Variants in TTC16 observed in about 807,000 individuals in gnomAD.
TTC16 encodes tetratricopeptide repeat domain 16, also known as tetratricopeptide repeat protein 16.
TTC16 carries 66 observed loss-of-function variants against 80.4 expected under a neutral mutation model. The ratio of observed to expected loss-of-function variants is 0.82; its 90% CI spans 0.67 to 1.01. TTC16 has a LOEUF of 1.01. TTC16 is among the 50% of genes least tolerant of loss of function. TTC16 has a pLI of 0.00. For missense variants in TTC16, 1,070 were observed against 1,103.2 expected, an observed-to-expected ratio of 0.97 and a Z score of 0.43; for synonymous variants, 438 against 451.3, an observed-to-expected ratio of 0.97 and a Z score of 0.37.
rs1476488699 is a variant in TTC16, at chr9:127,723,274, G to GC, written c.814dup (p.Gln272ProfsTer223). On this transcript the variant is annotated frameshift_variant, in exon 7 of 14. Transcript: ENST00000373289. LOFTEE classifies it high-confidence loss of function. ...TGCAGGGCAAGCTGCAGCACGCACT[G>GC]CAGCGGATCAACCGTGCCATCGAGA... 1.2e-6 allele frequency: 2 copies of GC among 1,612,868 alleles called. No individual in the cohort carries two copies. The highest frequency in any genetic ancestry group is 4.5e-5 in the East Asian group (2 of 44,898).
At chr9:127,724,634 A>ACCG in intron 8 of TTC16, 122 bp from the exon 9 acceptor site, 1 of 1,348,738 alleles carries the variant, frequency 7.4e-7, no homozygotes, top group Non-Finnish European at 9.9e-7. Context: ...GAGGACGGAG[A>ACCG]CTGCGGCGGG....
In TTC16 at chr9:127,726,643, C is replaced by G. The variant is rs143284874; in HGVS notation, c.1425+239C>G. On this transcript the variant is annotated intron_variant, in intron 10 of 13. Coordinates refer to ENST00000373289, the MANE Select transcript of TTC16 (RefSeq NM_144965.3). The stretch of plus-strand genomic sequence containing the variant: ...TCTCTACTAAAAATACAAAAAGCAG[C>G]CAGGCATGGTGGTGCACGGTTATAA... 2.8e-3 allele frequency among the ~76,000 whole-genome samples: 432 copies of G among 152,142 alleles called. 12 individuals carry two copies. In the East Asian group the frequency reaches 0.064, roughly 23 times the overall value.
At chr9:127,728,307 A>G (rs1844135671) in intron 12 of TTC16, 1 of 152,246 alleles carries the variant, frequency 6.6e-6, no homozygotes, top group Non-Finnish European at 1.5e-5. Flanking sequence ...ATAAATGGAC[A>G]GCATGGTGAG....
Position 127,731,586 on chromosome 9 carries a change from C to T in TTC16, c.*181C>T, listed in dbSNP as rs1056492807. 7 of 1,365,550 alleles carry T rather than the reference C, an allele frequency of 5.1e-6. No homozygotes were observed. The African/African-American group carries it at 1.0e-4, about 20-fold the overall frequency. The allele number at this position is 1,365,550 out of a possible 1,614,324, so 84.6% of individuals were successfully genotyped here. A position where few individuals can be genotyped will look rare whatever the true frequency, so the allele number is the denominator to read the frequency against. The stretch of plus-strand genomic sequence containing the variant: ...TTTACAAAATTAAAAACATCTAAAA[C>T]CAGGCCCAAGTGGCAGCTTGAGTCC... On this transcript the variant is annotated 3_prime_UTR_variant, in exon 14 of 14. Transcript: ENST00000373289.
In TTC16 at chr9:127,722,269, C is replaced by T. The variant is rs1843572438; in HGVS notation, c.658-850C>T. On this transcript the variant is annotated intron_variant, in intron 6 of 13. Coordinates refer to ENST00000373289, the MANE Select transcript of TTC16 (RefSeq NM_144965.3). The surrounding 1 kb of genome is among the most constrained non-coding windows in gnomAD (Gnocchi z 4.2). ...CTGCTGTCCACACCATCCCGTTCAC[C>T]TGCCAGCCAGTCACCCCGCAGGGAA... is the stretch of plus-strand genomic sequence containing the variant. 6.6e-6 allele frequency among the ~76,000 whole-genome samples: 1 copy of T among 152,200 alleles called. No individual in the cohort carries two copies. The highest frequency in any genetic ancestry group is 2.4e-5 in the African/African-American group (1 of 41,450).
At chr9:127,729,756 G>C in intron 13 of TTC16, 88 bp downstream of exon 13, 1 of 1,300,874 alleles carries the variant, frequency 7.7e-7, no homozygotes, top group Non-Finnish European at 1.1e-6. Context: ...TGGCCTAGGT[G>C]TGCGTTCGGC....
chr9:127,723,446 C>A, intron 7 of TTC16, 113 bp downstream of exon 7: 1 of 1,010,606 alleles, frequency 9.9e-7, no homozygotes, highest in Non-Finnish European at 1.5e-6. Context: ...CCCAGCTAGC[C>A]TCTAACAGTC....
intron 9 of TTC16, among the ~76,000 whole-genome samples, chr9:127,725,273 CA>C (rs1237773896): frequency 2.7e-5 from 4 of 148,142 alleles, no homozygotes; most frequent in Non-Finnish European, 4.5e-5. Context: ...GACTCTGTCC[CA>C]AAAAAAAAGG....
chr9:127,719,210 C>CAA (rs112597139), intron 4 of TTC16, among the ~76,000 whole-genome samples: 19 of 131,174 alleles, frequency 1.4e-4, no homozygotes, highest in African/African-American at 4.2e-4. Context: ...GATGCTGTCT[C>CAA]AAAAAAAAAA....
At chr9:127,716,607 G>C in intron 1 of TTC16, 1 of 587,026 alleles carries the variant, frequency 1.7e-6, no homozygotes, top group African/African-American at 1.9e-5. Context: ...GTAAGCATGA[G>C]GACCCTGATC....
intron 9 of TTC16, among the ~76,000 whole-genome samples, chr9:127,725,389 C>G (rs1427931679): frequency 2.0e-5 from 3 of 149,930 alleles, no homozygotes; most frequent in African/African-American, 7.4e-5. Flanking sequence ...CTGGTGAAAC[C>G]CCGTCTCTAC....
In TTC16 at chr9:127,726,392, C is replaced by CA. The variant is rs756622983; in HGVS notation, c.1415dup (p.Gln473AlafsTer22). The stretch of plus-strand genomic sequence containing the variant: ...TGGCCACTGTCCTGCTCCTCAACCC[C>CA]AAGCAACCAAAGGTAGGTTCCTGCC... On this transcript the variant is annotated frameshift_variant, in exon 10 of 14. Transcript: ENST00000373289. LOFTEE classifies it high-confidence loss of function. 4 of 1,601,432 alleles carry CA rather than the reference C, an allele frequency of 2.5e-6. No homozygotes were observed. Among genetic ancestry groups the CA allele is most frequent in the Non-Finnish European group, 3.4e-6 (4 of 1,172,522 alleles).
chr9:127,716,997 C>T lies in TTC16; in HGVS notation c.172C>T (p.Pro58Ser), dbSNP rs773637207. The change falls in exon 2 of 14, where the codon CCC (proline) becomes TCC (serine). Residue 58 changes from proline to serine, a missense_variant. Transcript: ENST00000373289. ...ACCAAAGGTCACAGGGTTAACAGTG[C>T]CCCTCAAAGTCAGGGAATAGTGAGT... ...VKPKVTGLTV[P>S]LKVREYYSRG... 6 of 1,613,358 alleles carry T rather than the reference C, an allele frequency of 3.7e-6. No individual in the cohort carries two copies. Among genetic ancestry groups the T allele is most frequent in the Non-Finnish European group, 5.1e-6 (6 of 1,179,386 alleles).
chr9:127,726,501 C>T (rs1001261246), intron 10 of TTC16, 97 bp downstream of exon 10: 1 of 1,352,868 alleles, frequency 7.4e-7, no homozygotes. Context: ...TGATAACAAT[C>T]ATAAGGCCAG....
At position 127,716,100 on chromosome 9, in the gene TTC16, G is replaced by A; in HGVS notation, c.-46G>A. Reference sequence around the variant, plus strand: ...GCCTAGCAACGTCAGGGCCAGGGCCGCGAGGTAGTTGGCAGAGGCCTCGGG... The same window carrying A: ...GCCTAGCAACGTCAGGGCCAGGGCCACGAGGTAGTTGGCAGAGGCCTCGGG... On this transcript the variant is annotated 5_prime_UTR_variant, in exon 1 of 14. Coordinates refer to ENST00000373289, the MANE Select transcript of TTC16 (RefSeq NM_144965.3). 6.2e-7 allele frequency: 1 copy of A among 1,613,716 alleles called. No individual in the cohort carries two copies. The highest frequency in any genetic ancestry group is 8.5e-7 in the Non-Finnish European group (1 of 1,179,898).
At chr9:127,723,736 A>T (rs2131650699) in intron 7 of TTC16, among the ~76,000 whole-genome samples, 1 of 152,306 alleles carries the variant, frequency 6.6e-6, no homozygotes, top group African/African-American at 2.4e-5. Flanking sequence ...CCCTATGCCA[A>T]GGGGCTGGGT....
At chr9:127,723,462 C>T in intron 7 of TTC16, 129 bp downstream of exon 7, 1 of 868,190 alleles carries the variant, frequency 1.2e-6, no homozygotes, top group Non-Finnish European at 1.8e-6. Context: ...CAGTCTTTCC[C>T]TACTTCCTAC....
At position 127,718,598 on chromosome 9, in the gene TTC16, C is replaced by CT. The variant is rs928036152; in HGVS notation, c.426+838dup. 5.9e-4 allele frequency among the ~76,000 whole-genome samples: 85 copies of CT among 145,034 alleles called. No homozygotes were observed. Among genetic ancestry groups the CT allele is most frequent in the South Asian group, 1.8e-3 (8 of 4,554 alleles). On this transcript the variant is annotated intron_variant, in intron 4 of 13. Transcript: ENST00000373289. This position sits in a 1 kb window ranked among gnomAD's most constrained non-coding sequence, Gnocchi z 4.6. ...TTTTCCATTTTGATAACCTTGATGTCTTTTTTTTTTTTCTGAGATGGAGTC... is the reference window on the plus strand; with the variant it reads ...TTTTCCATTTTGATAACCTTGATGTCTTTTTTTTTTTTTCTGAGATGGAGTC...
At chr9:127,728,721 A>C (rs1368753501) in intron 12 of TTC16, 1 of 152,230 alleles carries the variant, frequency 6.6e-6, no homozygotes, top group Non-Finnish European at 1.5e-5. Context: ...CTTGAGCCCC[A>C]GAGTCATTTG....
Sources: allele counts gnomAD v4.1 joint callset (sites outside exome capture counted in the v4.1 genomes callset), GRCh38; gene constraint gnomAD v4.1.1; non-coding constraint Gnocchi (gnomAD v3.1); transcripts MANE v1.5; gene names NCBI Gene and HGNC (gene_info 2026-07-23, HGNC 2026-07-21).